Variants in SEMA3F observed in about 807,000 individuals in gnomAD.
SEMA3F encodes the protein semaphorin-3F.
A neutral mutation model predicts 98.5 loss-of-function variants in SEMA3F; 30 were observed. The ratio of observed to expected loss-of-function variants is 0.30; its 90% CI spans 0.23 to 0.41. The LOEUF (loss-of-function observed/expected upper bound fraction) is 0.41, where lower values mean the gene tolerates loss of function less well. Among genes scored for constraint, SEMA3F ranks in the 10% least tolerant of loss-of-function variants. SEMA3F has a pLI of 1.00. For missense variants in SEMA3F, 866 were observed against 1,119.3 expected, an observed-to-expected ratio of 0.77 and a Z score of 3.23; for synonymous variants, 380 against 444.8, an observed-to-expected ratio of 0.85 and a Z score of 1.83.
chr3:50,173,992 G>A (rs781357100), intron 3 of SEMA3F, 39 bp downstream of exon 3: 36 of 1,613,706 alleles, frequency 2.2e-5, no homozygotes, highest in Middle Eastern at 1.6e-4. Flanking sequence ...GGGTGGGCAC[G>A]GAGCCCCAGG....
At chr3:50,184,501 G>C in intron 12 of SEMA3F, 91 bp from the exon 13 acceptor site, 1 of 880,462 alleles carries the variant, frequency 1.1e-6, no homozygotes. Flanking sequence ...AGGTAGTGGG[G>C]ACAGACAGTG....
rs746149107 is a variant in SEMA3F at position 50,184,690 on chromosome 3, C to T, written c.1332C>T (p.Ala444=). 4.1e-5 allele frequency: 66 copies of T among 1,613,998 alleles called. No individual in the cohort carries two copies. Among genetic ancestry groups the T allele is most frequent in the Non-Finnish European group, 4.7e-5 (56 of 1,179,962 alleles). ...FMRSHPLMYQ[A]VYPLQRRPLV... Reference sequence around the variant, plus strand: ...GCAGCCACCCACTCATGTACCAGGCCGTGTACCCTCTGCAGCGGCGGCCCC... The same window carrying T: ...GCAGCCACCCACTCATGTACCAGGCTGTGTACCCTCTGCAGCGGCGGCCCC... Residue 444 remains alanine, a synonymous_variant, in exon 13 of 19, where the codon GCC becomes GCT. Transcript: ENST00000002829.
At chr3:50,173,076 G>A (rs1698673329) in intron 2 of SEMA3F, among the ~76,000 whole-genome samples, 1 of 152,164 alleles carries the variant, frequency 6.6e-6, no homozygotes, top group Non-Finnish European at 1.5e-5. Context: ...CTTTGGGTGT[G>A]GCGCCTTCCC....
chr3:50,174,130 T>A lies in SEMA3F; in HGVS notation c.336+16T>A, dbSNP rs1698715397. On this transcript the variant is annotated intron_variant, in intron 4 of 18. Coordinates refer to ENST00000002829, the MANE Select transcript of SEMA3F (RefSeq NM_004186.5). ...GGATGTCAACGTGAGTTTGGTGGGATCCACAGGTGGGAAGGGGGAATCCAC... is the reference window on the plus strand; with the variant it reads ...GGATGTCAACGTGAGTTTGGTGGGAACCACAGGTGGGAAGGGGGAATCCAC... The A allele has an allele frequency of 6.2e-7, 1 of 1,613,864 alleles. No individual in the cohort carries two copies. The highest frequency in any genetic ancestry group is 1.7e-5 in the Admixed American group (1 of 59,998).
chr3:50,184,461 G>A, intron 12 of SEMA3F, 131 bp from the exon 13 acceptor site: 1 of 690,222 alleles, frequency 1.4e-6, no homozygotes, highest in African/African-American at 1.8e-5. Flanking sequence ...CAGAAACTTG[G>A]AGAGCGGGTT....
At position 50,166,134 on chromosome 3, in the gene SEMA3F, C is replaced by T. The variant is rs150162823; in HGVS notation, c.112+6400C>T. Reference sequence around the variant, plus strand: ...TCCCCCTACTCCCCCTTGCCTCCACCCCTCCCTTTGCCACCCCTCTTGGCT... The same window carrying T: ...TCCCCCTACTCCCCCTTGCCTCCACTCCTCCCTTTGCCACCCCTCTTGGCT... On this transcript the variant is annotated intron_variant, in intron 2 of 18. Transcript: ENST00000002829. This position sits in a 1 kb window ranked among gnomAD's most constrained non-coding sequence, Gnocchi z 4.7. Among the ~76,000 whole-genome samples, 181 of 152,200 alleles carry T rather than the reference C, an allele frequency of 1.2e-3. No homozygotes were observed. The highest frequency in any genetic ancestry group is 4.2e-3 in the African/African-American group (174 of 41,510).
intron 1 of SEMA3F, among the ~76,000 whole-genome samples, chr3:50,157,311 TCAAG>T (rs1698025660): frequency 6.6e-6 from 1 of 152,018 alleles, no homozygotes; most frequent in Non-Finnish European, 1.5e-5. Flanking sequence ...GTTTCTTTGT[TCAAG>T]CGTCTCTCCT....
rs1476374214 is a variant in SEMA3F at position 50,175,083 on chromosome 3, C to T, written c.457-13C>T. 4 of 1,603,766 alleles carry T rather than the reference C, an allele frequency of 2.5e-6. No individual in the cohort carries two copies. Among genetic ancestry groups the T allele is most frequent in the Admixed American group, 1.7e-5 (1 of 59,416 alleles). The stretch of plus-strand genomic sequence containing the variant: ...CCACCCCCAGCTCTAACCCCTGTTC[C>T]TCGTCTTCTCAGGCCACACCATGGA... On this transcript the variant is annotated splice_polypyrimidine_tract_variant and intron_variant, in intron 5 of 18. Coordinates refer to ENST00000002829, the MANE Select transcript of SEMA3F (RefSeq NM_004186.5).
Position 50,185,720 on chromosome 3 carries a change from C to T in SEMA3F, c.1587+13C>T, listed in dbSNP as rs377014999. 1.5e-5 allele frequency: 25 copies of T among 1,613,958 alleles called. No homozygotes were observed. Among genetic ancestry groups the T allele is most frequent in the African/African-American group, 4.0e-5 (3 of 74,928 alleles). On this transcript the variant is annotated intron_variant, in intron 15 of 18. Coordinates refer to ENST00000002829, the MANE Select transcript of SEMA3F (RefSeq NM_004186.5). Reference sequence around the variant, plus strand: ...CTCTTCTAAGAGGGTAAGCCTTTGGCGAGGTGAGCCAAGGTTGGGGACAGG... The same window carrying T: ...CTCTTCTAAGAGGGTAAGCCTTTGGTGAGGTGAGCCAAGGTTGGGGACAGG...
intron 7 of SEMA3F, among the ~76,000 whole-genome samples, chr3:50,181,488 A>AT (rs1699014993): frequency 6.6e-6 from 1 of 151,052 alleles, no homozygotes; most frequent in African/African-American, 2.4e-5. Context: ...CGCTCAGCTA[A>AT]TTTTTTTGTA....
At chr3:50,164,569 C>T (rs1698334393) in intron 2 of SEMA3F, among the ~76,000 whole-genome samples, 2 of 152,138 alleles carry the variant, frequency 1.3e-5, no homozygotes, top group Admixed American at 1.3e-4. Context: ...TCTCCTCACT[C>T]AGGAGAGTGG....
intron 6 of SEMA3F, 42 bp from the exon 7 acceptor site, chr3:50,176,726 G>T: frequency 6.9e-7 from 1 of 1,439,594 alleles, no homozygotes. Context: ...TCCTGGCTGG[G>T]GGACTGGCCT....
chr3:50,157,614 C>T (rs1189222542), intron 1 of SEMA3F, among the ~76,000 whole-genome samples: 1 of 152,174 alleles, frequency 6.6e-6, no homozygotes, highest in African/African-American at 2.4e-5. Flanking sequence ...CCTTCCCTCT[C>T]CTTCTTTCCC....
At chr3:50,177,411 A>C (rs539650727) in intron 7 of SEMA3F, among the ~76,000 whole-genome samples, 1 of 152,296 alleles carries the variant, frequency 6.6e-6, no homozygotes, top group Admixed American at 6.5e-5. Flanking sequence ...CCCTAACTGC[A>C]GGTTGGGTGA....
rs531269513 is a variant in SEMA3F, at chr3:50,166,881, G to A, written c.113-6912G>A. 2.8e-3 allele frequency among the ~76,000 whole-genome samples: 424 copies of A among 152,132 alleles called. 1 individual carries two copies. Among genetic ancestry groups the A allele is most frequent in the Non-Finnish European group, 4.0e-3 (275 of 67,980 alleles). ...GTGGAGGAAGGAGTGAGGGGTTTCC[G>A]GGCCAGGTCTGGAATGTGGGAGGAG... On this transcript the variant is annotated intron_variant, in intron 2 of 18. Transcript: ENST00000002829. The surrounding 1 kb of genome is among the most constrained non-coding windows in gnomAD (Gnocchi z 4.7).
chr3:50,157,650 G>A (rs866771519), intron 1 of SEMA3F, among the ~76,000 whole-genome samples: 2 of 152,034 alleles, frequency 1.3e-5, no homozygotes, highest in African/African-American at 4.8e-5. Flanking sequence ...TCCAAGAGGG[G>A]ACCTGGACTT....
rs1698830472 is a variant in SEMA3F, at chr3:50,176,775, T to C, written c.557T>C (p.Ile186Thr). ...CCCCGCTCTGCCTTACAGGATTACA[T>C]CTTCTACCTGGAGCCTGAGCGACTC... is the stretch of plus-strand genomic sequence containing the variant. ...PMPTAPRQDY[I>T]FYLEPERLES... Residue 186 changes from isoleucine (I) to threonine (T), a missense_variant, in exon 7 of 19, where the codon ATC (isoleucine) becomes ACC (threonine). By Grantham distance (89) the Ile-to-Thr change is moderately conservative (BLOSUM62 -1). Around this residue, in one of 3 missense-constraint regions of SEMA3F, gnomAD observed 247 missense variants for 276.0 expected, o/e 0.89. Coordinates refer to ENST00000002829, the MANE Select transcript of SEMA3F (RefSeq NM_004186.5). The C allele has an allele frequency of 1.2e-6, 2 of 1,612,196 alleles. No homozygotes were observed. The highest frequency in any genetic ancestry group is 1.7e-6 in the Non-Finnish European group (2 of 1,178,982).
rs1398917752 is a variant in SEMA3F, at chr3:50,185,941, G to A, written c.1640G>A (p.Arg547His). 1.9e-6 allele frequency: 3 copies of A among 1,613,842 alleles called. No individual in the cohort carries two copies. The highest frequency in any genetic ancestry group is 1.3e-5 in the African/African-American group (1 of 74,942). Residue 547 changes from arginine to histidine, a missense_variant, in exon 16 of 19, where the codon CGC (arginine) becomes CAC (histidine). Coordinates refer to ENST00000002829, the MANE Select transcript of SEMA3F (RefSeq NM_004186.5). ...GGTGTCACACACCTGAGCCTGCACC[G>A]CTGCCAGGCGTATGGGGCTGCCTGT... ...AVGVTHLSLH[R>H]CQAYGAACAD... is the part of the protein sequence containing the mutation.
chr3:50,173,771 G>T, intron 2 of SEMA3F, 22 bp from the exon 3 acceptor site: 1 of 1,612,010 alleles, frequency 6.2e-7, no homozygotes, highest in Non-Finnish European at 8.5e-7. Context: ...GTCCTAATTG[G>T]TGCCCTGCCC....
Sources: gnomAD v4.1 joint callset for allele counts (sites outside exome capture counted in the v4.1 genomes callset) on GRCh38, gnomAD v4.1.1 for gene constraint, gnomAD v4.1.1 regional missense constraint, Gnocchi (gnomAD v3.1) non-coding constraint, MANE v1.5 for transcripts, NCBI Gene and HGNC (gene_info 2026-07-23, HGNC 2026-07-21) for gene names.